Variants in VN1R1 observed in about 807,000 individuals in gnomAD.
The protein encoded by VN1R1 is vomeronasal 1 receptor 1.
For synonymous variants in VN1R1, 168 were observed against 149.8 expected, an observed-to-expected ratio of 1.12 and a Z score of -0.89; for missense variants, 391 against 410.3, an observed-to-expected ratio of 0.95 and a Z score of 0.41.
At position 57,456,319 on chromosome 19, in the gene VN1R1, A is replaced by G; in HGVS notation, c.168T>C (p.Thr56=). Residue 56 remains threonine (T), a synonymous_variant, in exon 1 of 1, where the codon ACT becomes ACC. Coordinates refer to ENST00000321039, the MANE Select transcript of VN1R1 (RefSeq NM_020633.4). ...VKSGISFLIQ[T]GVGILGNSFL... is the part of the protein sequence containing the mutation. ...AGGAATTTCCCAGGATCCCAACTCC[A>G]GTCTGAATGAGGAAGCTAATCCCTG... 6.2e-7 allele frequency: 1 copy of G among 1,613,584 alleles called. No homozygotes were observed.
At position 57,455,387 on chromosome 19, in the gene VN1R1, G is replaced by A. The variant is rs190092614; in HGVS notation, c.*38C>T. 1.3e-6 allele frequency: 2 copies of A among 1,548,890 alleles called. No homozygotes were observed. Among genetic ancestry groups the A allele is most frequent in the East Asian group, 2.3e-5 (1 of 44,440 alleles). ...TAATATTTCCTAAATCTTAGCAAGA[G>A]TTATGATAAATAGCTGAATTCCATG... is the stretch of plus-strand genomic sequence containing the variant. On this transcript the variant is annotated 3_prime_UTR_variant, in exon 1 of 1. Transcript: ENST00000321039.
Position 57,456,049 on chromosome 19 carries a change from T to G in VN1R1, c.438A>C (p.Gln146His). 6.2e-7 allele frequency: 1 copy of G among 1,614,194 alleles called. No homozygotes were observed. The change falls in exon 1 of 1, where the codon CAA becomes CAC. Residue 146 changes from glutamine to histidine, a missense_variant. Gln to His is a conservative substitution (Grantham distance 24). Coordinates refer to ENST00000321039, the MANE Select transcript of VN1R1 (RefSeq NM_020633.4). ...LSTICLLNGF[Q>H]AIKLNPSICR... Reference sequence around the variant, plus strand: ...ATATACTGGGGTTGAGCTTAATGGCTTGGAATCCATTGAGAAGGCAGATGG... The same window carrying G: ...ATATACTGGGGTTGAGCTTAATGGCGTGGAATCCATTGAGAAGGCAGATGG...
At position 57,455,178 on chromosome 19, in the gene VN1R1, T is replaced by C. The variant is rs2089123455; in HGVS notation, c.*247A>G. ...AAAAATGAGAAATCTCCCCTAAATC[T>C]CTAAAGAATTCCCTTTTTAAACTTT... On this transcript the variant is annotated 3_prime_UTR_variant, in exon 1 of 1. Transcript: ENST00000321039. 1 of 427,894 alleles carries C rather than the reference T, an allele frequency of 2.3e-6. No individual in the cohort carries two copies. The highest frequency in any genetic ancestry group is 4.2e-6 in the Non-Finnish European group (1 of 240,532). The allele number at this position is 427,894 out of a possible 1,614,324, so 26.5% of individuals were successfully genotyped here.
rs560588500 is a variant in VN1R1 at position 57,456,598 on chromosome 19, A to G, written c.-112T>C. ...ATGAATGAGGGCTCAACCGCACAAC[A>G]GATCCACAAATCAAACCTATAAAAC... On this transcript the variant is annotated 5_prime_UTR_variant, in exon 1 of 1. Coordinates refer to ENST00000321039, the MANE Select transcript of VN1R1 (RefSeq NM_020633.4). The G allele has an allele frequency of 5.7e-5, 48 of 842,158 alleles. No individual in the cohort carries two copies. The Admixed American group carries it at 1.3e-3, about 22-fold the overall frequency. 52.2% of individuals were successfully genotyped at this position (842,158 alleles called of 1,614,324 possible). A position where few individuals can be genotyped will look rare whatever the true frequency, so the allele number is the denominator to read the frequency against.
chr19:57,456,631 T>C lies in VN1R1; in HGVS notation c.-145A>G, dbSNP rs1313537961. 1 of 599,450 alleles carries C rather than the reference T, an allele frequency of 1.7e-6. No individual in the cohort carries two copies. The highest frequency in any genetic ancestry group is 2.8e-6 in the Non-Finnish European group (1 of 362,412). The allele number at this position is 599,450 out of a possible 1,614,324, so 37.1% of individuals were successfully genotyped here. A position where few individuals can be genotyped will look rare whatever the true frequency, so the allele number is the denominator to read the frequency against. ...AAATCAAACCTATAAAACTCAGGGC[T>C]TACACACATGCAACAAGTAAATACA... On this transcript the variant is annotated 5_prime_UTR_variant, in exon 1 of 1. Transcript: ENST00000321039.
In VN1R1 at chr19:57,456,883, A is replaced by G. The variant is rs893751041; in HGVS notation, c.-397T>C. 4 of 157,616 alleles carry G rather than the reference A, an allele frequency of 2.5e-5. No homozygotes were observed. Among genetic ancestry groups the G allele is most frequent in the African/African-American group, 7.2e-5 (3 of 41,562 alleles). 9.8% of individuals were successfully genotyped at this position (157,616 alleles called of 1,614,324 possible). On this transcript the variant is annotated 5_prime_UTR_variant, in exon 1 of 1. Transcript: ENST00000321039. Reference sequence around the variant, plus strand: ...AAAAGCAAAAATAATACACCATAAAACCTTTTCCACACTAATATTTTAGTA... The same window carrying G: ...AAAAGCAAAAATAATACACCATAAAGCCTTTTCCACACTAATATTTTAGTA...
rs1284565007 is a variant in VN1R1, at chr19:57,455,660, A to T, written c.827T>A (p.Met276Lys). The T allele has an allele frequency of 6.2e-7, 1 of 1,614,182 alleles. No homozygotes were observed. The highest frequency in any genetic ancestry group is 1.3e-5 in the African/African-American group (1 of 75,048). The change falls in exon 1 of 1, where the codon ATG (methionine) becomes AAG (lysine). Residue 276 changes from methionine to lysine, a missense_variant. Transcript: ENST00000321039. ...SQEARATHTI[M>K]VLVSSFFVFY... ...AACAAAAAAGGAGCTCACCAGGACC[A>T]TGATGGTGTGTGTGGCTCTGGCTTC...
the VN1R1 span, chr19:57,456,389 TG>T: frequency 6.2e-7 from 1 of 1,613,720 alleles, no homozygotes; most frequent in Non-Finnish European, 8.5e-7. Flanking sequence ...TAGGGGATGT[TG>T]ATTTTCATTG....
chr19:57,455,749 G>C lies in VN1R1; in HGVS notation c.738C>G (p.Leu246=). The part of the protein sequence containing the change: ...VWASGSMVFF[L]YRHKQQVQHN... ...GTTGGACTTGCTGCTTGTGTCTGTA[G>C]AGGAAGAAGACCATGGAGCCACTGG... is the stretch of plus-strand genomic sequence containing the variant. Residue 246 remains leucine, a synonymous_variant, in exon 1 of 1, where the codon CTC becomes CTG. Transcript: ENST00000321039. 1 of 1,614,212 alleles carries C rather than the reference G, an allele frequency of 6.2e-7. No individual in the cohort carries two copies. Among genetic ancestry groups the C allele is most frequent in the Non-Finnish European group, 8.5e-7 (1 of 1,180,032 alleles).
At position 57,455,036 on chromosome 19, in the gene VN1R1, C is replaced by A; in HGVS notation, c.*389G>T. The A allele has an allele frequency of 5.7e-6, 1 of 174,270 alleles. No homozygotes were observed. The highest frequency in any genetic ancestry group is 1.2e-5 in the Non-Finnish European group (1 of 81,796). The allele number at this position is 174,270 out of a possible 1,614,324, so 10.8% of individuals were successfully genotyped here. On this transcript the variant is annotated 3_prime_UTR_variant, in exon 1 of 1. Transcript: ENST00000321039. ...ACAGGCGTGAGCCACTGTGCCCGGC[C>A]TGCACATGTCTTTCTTACATGTGGA...
At position 57,455,626 on chromosome 19, in the gene VN1R1, T is replaced by C; in HGVS notation, c.861A>G (p.Ser287=). 6.2e-7 allele frequency: 1 copy of C among 1,614,188 alleles called. No homozygotes were observed. The highest frequency in any genetic ancestry group is 8.5e-7 in the Non-Finnish European group (1 of 1,180,044). The part of the protein sequence containing the change: ...VLVSSFFVFY[S]VHSFLTIWTT... ...TCCAAATTGTCAGAAAACTATGGAC[T>C]GAATAGAAAACAAAAAAGGAGCTCA... The change falls in exon 1 of 1, where the codon TCA becomes TCG. Residue 287 remains serine, a synonymous_variant. Coordinates refer to ENST00000321039, the MANE Select transcript of VN1R1 (RefSeq NM_020633.4).
rs751261130 is a variant in VN1R1 at position 57,456,257 on chromosome 19, C to T, written c.230G>A (p.Gly77Glu). The change falls in exon 1 of 1, where the codon GGA becomes GAA. Residue 77 changes from glycine (G) to glutamate (E), a missense_variant. By Grantham distance (98) the Gly-to-Glu change is moderately conservative. Coordinates refer to ENST00000321039, the MANE Select transcript of VN1R1 (RefSeq NM_020633.4). ...CAAGTCCGTGGGTCTCAGCTTGTGT[C>T]CAGTGAACAAAATTAAGTTATAAAA... is the stretch of plus-strand genomic sequence containing the variant. The part of the protein sequence containing the change: ...LCFYNLILFT[G>E]HKLRPTDLIL... 6.2e-7 allele frequency: 1 copy of T among 1,613,830 alleles called. No individual in the cohort carries two copies. The highest frequency in any genetic ancestry group is 1.1e-5 in the South Asian group (1 of 91,040).
rs2089131576 is a variant in VN1R1, at chr19:57,456,267, A to G, written c.220T>C (p.Leu74=). 1 of 1,613,456 alleles carries G rather than the reference A, an allele frequency of 6.2e-7. No individual in the cohort carries two copies. Among genetic ancestry groups the G allele is most frequent in the Non-Finnish European group, 8.5e-7 (1 of 1,179,850 alleles). ...GGTCTCAGCTTGTGTCCAGTGAACA[A>G]AATTAAGTTATAAAAACAAAGGAGA... The part of the protein sequence containing the change: ...SFLLCFYNLI[L]FTGHKLRPTD... The change falls in exon 1 of 1, where the codon TTG becomes CTG. Residue 74 remains leucine (L), a synonymous_variant. Transcript: ENST00000321039.
rs751692426 is a variant in VN1R1, at chr19:57,455,553, A to G, written c.934T>C (p.Leu312=). Reference sequence around the variant, plus strand: ...CGTGCTGGGAAACATGAGGCGACCAACACAGAGTTGGTCACTATCCACTGG... The same window carrying G: ...CGTGCTGGGAAACATGAGGCGACCAGCACAGAGTTGGTCACTATCCACTGG... The part of the protein sequence containing the change: ...PGQWIVTNSV[L]VASCFPARSP... Residue 312 remains leucine (L), a synonymous_variant, in exon 1 of 1, where the codon TTG becomes CTG. Transcript: ENST00000321039. The G allele has an allele frequency of 1.2e-6, 2 of 1,614,192 alleles. No individual in the cohort carries two copies. Among genetic ancestry groups the G allele is most frequent in the African/African-American group, 1.3e-5 (1 of 75,054 alleles).
Position 57,456,667 on chromosome 19 carries a change from G to A in VN1R1, c.-181C>T. The A allele has an allele frequency of 2.0e-6, 1 of 500,844 alleles. No individual in the cohort carries two copies. Among genetic ancestry groups the A allele is most frequent in the South Asian group, 3.9e-5 (1 of 25,462 alleles). The allele number at this position is 500,844 out of a possible 1,614,324, so 31.0% of individuals were successfully genotyped here. ...CAACAAGTAAATACAAGCAAAACTAGGGAAATATATAAAAACAGAACACAG... is the reference window on the plus strand; with the variant it reads ...CAACAAGTAAATACAAGCAAAACTAAGGAAATATATAAAAACAGAACACAG... On this transcript the variant is annotated 5_prime_UTR_variant, in exon 1 of 1. Coordinates refer to ENST00000321039, the MANE Select transcript of VN1R1 (RefSeq NM_020633.4).
Position 57,456,103 on chromosome 19 carries a change from G to A in VN1R1, c.384C>T (p.His128=), listed in dbSNP as rs115673515. 7.4e-6 allele frequency: 12 copies of A among 1,614,134 alleles called. No individual in the cohort carries two copies. The African/African-American group carries it at 1.3e-4, about 18-fold the overall frequency. ...DTGCKFVFYY[H]RVGTRVSLST... is the part of the protein sequence containing the mutation. ...TGAGGGAAACTCTTGTGCCCACCCT[G>A]TGATAATAAAAGACAAACTTACATC... Residue 128 remains histidine (H), a synonymous_variant, in exon 1 of 1, where the codon CAC becomes CAT. Coordinates refer to ENST00000321039, the MANE Select transcript of VN1R1 (RefSeq NM_020633.4).
chr19:57,455,619 T>C lies in VN1R1; in HGVS notation c.868A>G (p.Ser290Gly), dbSNP rs1414083986. Residue 290 changes from serine (S) to glycine (G), a missense_variant, in exon 1 of 1, where the codon AGT (serine) becomes GGT (glycine). Physicochemically the swap from Ser to Gly is moderately conservative, Grantham distance 56. Transcript: ENST00000321039. ...ACAGTTGTCCAAATTGTCAGAAAAC[T>C]ATGGACTGAATAGAAAACAAAAAAG... ...SSFFVFYSVH[S>G]FLTIWTTVVA... The C allele has an allele frequency of 2.5e-6, 4 of 1,614,168 alleles. No individual in the cohort carries two copies. Among genetic ancestry groups the C allele is most frequent in the Admixed American group, 1.7e-5 (1 of 60,022 alleles).
At position 57,455,504 on chromosome 19, in the gene VN1R1, C is replaced by T. The variant is rs2034324699; in HGVS notation, c.983G>A (p.Ser328Asn). ...ACAGAACTGAGAGATATGAGTATCA[C>T]TCATGATGAGGACAAAAGGGCTGCG... ...PARSPFVLIM[S>N]DTHISQFCFA... Residue 328 changes from serine to asparagine, a missense_variant, in exon 1 of 1, where the codon AGT becomes AAT. Ser to Asn is a conservative substitution (Grantham distance 46). Coordinates refer to ENST00000321039, the MANE Select transcript of VN1R1 (RefSeq NM_020633.4). 2.5e-6 allele frequency: 4 copies of T among 1,614,048 alleles called. No individual in the cohort carries two copies. The highest frequency in any genetic ancestry group is 3.4e-6 in the Non-Finnish European group (4 of 1,180,038).
In VN1R1 at chr19:57,455,145, C is replaced by A; in HGVS notation, c.*280G>T. On this transcript the variant is annotated 3_prime_UTR_variant, in exon 1 of 1. Coordinates refer to ENST00000321039, the MANE Select transcript of VN1R1 (RefSeq NM_020633.4). ...ATTTTTAAAACATTCCATGATTCTT[C>A]ATAGTACAAAAATGAGAAATCTCCC... 2.8e-6 allele frequency: 1 copy of A among 353,486 alleles called. No individual in the cohort carries two copies. Among genetic ancestry groups the A allele is most frequent in the Non-Finnish European group, 5.1e-6 (1 of 194,330 alleles). 21.9% of individuals were successfully genotyped at this position (353,486 alleles called of 1,614,324 possible).
Sources: allele counts gnomAD v4.1 joint callset, GRCh38; gene constraint gnomAD v4.1.1; transcripts MANE v1.5; gene names NCBI Gene and HGNC (gene_info 2026-07-23, HGNC 2026-07-21).